WWP2: variants seen among roughly 807,000 people sequenced by gnomAD.
WWP2 encodes the protein NEDD4-like E3 ubiquitin-protein ligase WWP2.
In WWP2, 57 loss-of-function variants were observed where a neutral mutation model predicts 121.0. That is an observed-to-expected ratio of 0.47 (90% confidence interval 0.38 to 0.59). The LOEUF is 0.59. WWP2 is among the 20% of genes least tolerant of loss of function. The probability of loss-of-function intolerance (pLI) is 0.00; values close to 1 mark genes in which losing one functional copy is unlikely to be tolerated. For synonymous variants in WWP2, 449 were observed against 441.3 expected, an observed-to-expected ratio of 1.02 and a Z score of -0.22; for missense variants, 962 against 1,158.9, an observed-to-expected ratio of 0.83 and a Z score of 2.47.
At position 69,798,609 on chromosome 16, in the gene WWP2, G is replaced by A. The variant is rs145975966; in HGVS notation, c.71-73G>A. On this transcript the variant is annotated intron_variant, in intron 2 of 23. Coordinates refer to ENST00000359154, the MANE Select transcript of WWP2 (RefSeq NM_001270454.2). ...TTTAAAGCAATAACTAAAAAGAGCCGGAACATCTGCCACAGGGGGGCATCT... is the reference window on the plus strand; with the variant it reads ...TTTAAAGCAATAACTAAAAAGAGCCAGAACATCTGCCACAGGGGGGCATCT... 6.8e-5 allele frequency: 102 copies of A among 1,492,842 alleles called. No homozygotes were observed. The African/African-American group carries it at 1.1e-3, about 16-fold the overall frequency. The allele number at this position is 1,492,842 out of a possible 1,614,324, so 92.5% of individuals were successfully genotyped here.
chr16:69,921,251 C>G (rs986027883), intron 10 of WWP2, among the ~76,000 whole-genome samples: 1 of 152,152 alleles, frequency 6.6e-6, no homozygotes. Flanking sequence ...TGCTATGGTG[C>G]CATGTCCTGG....
chr16:69,904,965 A>T lies in WWP2; in HGVS notation c.915-3796A>T, dbSNP rs117397905. ...AACTACAACCTAACTTAGTACGTAA[A>T]CCAACCAAAACCCAAATTAGGAGTA... is the stretch of plus-strand genomic sequence containing the variant. On this transcript the variant is annotated intron_variant, in intron 8 of 23. Transcript: ENST00000359154. 1.5e-3 allele frequency among the ~76,000 whole-genome samples: 221 copies of T among 152,356 alleles called. 2 individuals are homozygous for T. The East Asian group carries it at 0.026, about 18-fold the overall frequency.
In WWP2 at chr16:69,853,148, A is replaced by G. The variant is rs2057249586; in HGVS notation, c.575+11028A>G. On this transcript the variant is annotated intron_variant, in intron 6 of 23. Transcript: ENST00000359154. ...AAAGTAGTCTAATGGATGAATTCGG[A>G]GCTATATCAGTTGGGGTTCATTGCA... Among the ~76,000 whole-genome samples the G allele has an allele frequency of 2.0e-5, 3 of 152,308 alleles. No individual in the cohort carries two copies. The South Asian group carries it at 6.2e-4, about 32-fold the overall frequency.
At chr16:69,887,961 T>G (rs2057954307) in intron 7 of WWP2, 78 bp from the exon 8 acceptor site, 1 of 1,538,940 alleles carries the variant, frequency 6.5e-7, no homozygotes, top group African/African-American at 1.4e-5. Flanking sequence ...TGTTAGCCTA[T>G]TAAGTGAAAA....
chr16:69,801,182 T>TAA (rs376524877), intron 4 of WWP2, among the ~76,000 whole-genome samples: 49 of 122,574 alleles, frequency 4.0e-4, no homozygotes, highest in African/African-American at 1.0e-3. Flanking sequence ...GAGCAAGTCT[T>TAA]AAAAAAAAAA....
intron 4 of WWP2, among the ~76,000 whole-genome samples, chr16:69,826,845 A>T (rs1234080730): frequency 6.6e-6 from 1 of 150,884 alleles, no homozygotes; most frequent in East Asian, 2.0e-4. Flanking sequence ...AGGCTGAGGC[A>T]GGAGAATGGT....
chr16:69,795,313 G>A (rs77556105), intron 2 of WWP2, among the ~76,000 whole-genome samples: 2,163 of 151,568 alleles, frequency 0.014, 49 homozygotes, highest in African/African-American at 0.047. Context: ...GACATAGATG[G>A]CATTTATCTA....
In WWP2 at chr16:69,937,269, C is replaced by T. The variant is rs756553071; in HGVS notation, c.2238+31C>T. 6.2e-7 allele frequency: 1 copy of T among 1,610,898 alleles called. No homozygotes were observed. Among genetic ancestry groups the T allele is most frequent in the South Asian group, 1.1e-5 (1 of 90,624 alleles). On this transcript the variant is annotated intron_variant, in intron 20 of 23. Coordinates refer to ENST00000359154, the MANE Select transcript of WWP2 (RefSeq NM_001270454.2). This position sits in a 1 kb window ranked among gnomAD's most constrained non-coding sequence, Gnocchi z 6.6. ...TGTCTGAGGTTGCTGGGACCCTGAG[C>T]CCCTGCCTCTGGGGCGATCCTGCTC...
chr16:69,911,878 C>T (rs984694393), intron 9 of WWP2, among the ~76,000 whole-genome samples: 18 of 152,032 alleles, frequency 1.2e-4, no homozygotes, highest in Admixed American at 8.5e-4. Context: ...ATGGCAGAGC[C>T]GAGAGAATGA....
chr16:69,847,677 G>C (rs1042703666), intron 6 of WWP2, among the ~76,000 whole-genome samples: 1 of 152,006 alleles, frequency 6.6e-6, no homozygotes, highest in African/African-American at 2.4e-5. Flanking sequence ...TAAAGTGCTG[G>C]GATTACAGCT....
At chr16:69,765,598 C>T (rs755492819) in intron 1 of WWP2, among the ~76,000 whole-genome samples, 6 of 152,198 alleles carry the variant, frequency 3.9e-5, no homozygotes, top group African/African-American at 7.2e-5. Context: ...CTGAGACGGG[C>T]GGATCACTTG....
chr16:69,841,092 G>A (rs1202529581), intron 5 of WWP2, among the ~76,000 whole-genome samples: 1 of 152,200 alleles, frequency 6.6e-6, no homozygotes, highest in Non-Finnish European at 1.5e-5. Flanking sequence ...ATATGTAATT[G>A]TATTCTGGTA....
At chr16:69,857,509 G>T (rs146795561) in intron 6 of WWP2, among the ~76,000 whole-genome samples, 1 of 152,278 alleles carries the variant, frequency 6.6e-6, no homozygotes, top group East Asian at 1.9e-4. Flanking sequence ...TGCATCCAGT[G>T]GTGTGAAGAG....
intron 7 of WWP2, among the ~76,000 whole-genome samples, chr16:69,878,795 A>AT (rs2057777039): frequency 6.6e-6 from 1 of 152,244 alleles, no homozygotes; most frequent in Admixed American, 6.5e-5. Flanking sequence ...CTGTTACAAA[A>AT]TTCTGCTGTA....
chr16:69,858,916 G>T (rs1352252594), intron 6 of WWP2, among the ~76,000 whole-genome samples: 1 of 152,172 alleles, frequency 6.6e-6, no homozygotes, highest in African/African-American at 2.4e-5. Context: ...TTCGACATGG[G>T]CACTGGATCC....
rs778168809 is a variant in WWP2 at position 69,934,098 on chromosome 16, A to G, written c.1811A>G (p.Tyr604Cys). ...TCCATCAACCCGGACCACCTCACCTACTTTCGCTTTATAGGCAGATTCATC... is the reference window on the plus strand; with the variant it reads ...TCCATCAACCCGGACCACCTCACCTGCTTTCGCTTTATAGGCAGATTCATC... ...ASSINPDHLTYFRFIGRFIAM... is the reference protein window; with the variant it reads ...ASSINPDHLTCFRFIGRFIAM... The change falls in exon 17 of 24, where the codon TAC becomes TGC. Residue 604 changes from tyrosine to cysteine, a missense_variant. Tyr to Cys is a radical substitution (Grantham distance 194, BLOSUM62 -2). This residue lies in a region of WWP2 where 606 missense variants were observed against 772.6 expected (regional missense o/e 0.78). Coordinates refer to ENST00000359154, the MANE Select transcript of WWP2 (RefSeq NM_001270454.2). 1.2e-6 allele frequency: 2 copies of G among 1,614,068 alleles called. No individual in the cohort carries two copies. Among genetic ancestry groups the G allele is most frequent in the African/African-American group, 1.3e-5 (1 of 75,016 alleles).
At chr16:69,785,826 C>T (rs1348340355) in intron 1 of WWP2, among the ~76,000 whole-genome samples, 3 of 151,908 alleles carry the variant, frequency 2.0e-5, no homozygotes, top group Non-Finnish European at 1.5e-5. Context: ...GGGGTTTCAT[C>T]ATTATGGCCA....
intron 4 of WWP2, among the ~76,000 whole-genome samples, chr16:69,808,782 A>G (rs1462044495): frequency 6.6e-6 from 1 of 152,230 alleles, no homozygotes; most frequent in African/African-American, 2.4e-5. Flanking sequence ...CTATTGGTAG[A>G]CATTTGAGTT....
At chr16:69,804,118 A>G (rs1003534202) in intron 4 of WWP2, among the ~76,000 whole-genome samples, 1 of 152,172 alleles carries the variant, frequency 6.6e-6, no homozygotes, top group African/African-American at 2.4e-5. Flanking sequence ...TCTTCGTCTT[A>G]CCATTTGTAA....
Sources: gnomAD v4.1 joint callset for allele counts (sites outside exome capture counted in the v4.1 genomes callset) on GRCh38, gnomAD v4.1.1 for gene constraint, gnomAD v4.1.1 regional missense constraint, Gnocchi (gnomAD v3.1) non-coding constraint, MANE v1.5 for transcripts, NCBI Gene and HGNC (gene_info 2026-07-23, HGNC 2026-07-21) for gene names.